ANKH: variants seen among roughly 807,000 people sequenced by gnomAD.
ANKH encodes ANKH inorganic pyrophosphate transport regulator.
ANKH carries 15 observed loss-of-function variants against 49.0 expected under a neutral mutation model. That is an observed-to-expected ratio of 0.31 (90% CI 0.20 to 0.47). The LOEUF is 0.47. Ranked by LOEUF, ANKH falls within the 20% of genes least tolerant of loss-of-function variation. The pLI, the probability that ANKH is intolerant of heterozygous loss-of-function variation, is 1.00. For missense variants in ANKH, 429 were observed against 652.0 expected, an observed-to-expected ratio of 0.66 and a Z score of 3.72; for synonymous variants, 273 against 260.0, an observed-to-expected ratio of 1.05 and a Z score of -0.48.
chr5:14,786,863 T>C (rs1739993905), intron 1 of ANKH, among the ~76,000 whole-genome samples: 1 of 152,204 alleles, frequency 6.6e-6, no homozygotes, highest in Admixed American at 6.5e-5. Context: ...CATGTACAAA[T>C]AGATGTTCAT....
chr5:14,858,385 C>G (rs3006070), intron 1 of ANKH, among the ~76,000 whole-genome samples: 1 of 151,908 alleles, frequency 6.6e-6, no homozygotes, highest in East Asian at 1.9e-4. Flanking sequence ...AAATTGCCTA[C>G]GATAAAAAGT....
At chr5:14,820,960 G>T (rs114257669) in intron 1 of ANKH, among the ~76,000 whole-genome samples, 36 of 152,106 alleles carry the variant, frequency 2.4e-4, no homozygotes, top group African/African-American at 8.4e-4. Flanking sequence ...TTAGCTGGGG[G>T]TGGTGGTGAC....
intron 1 of ANKH, among the ~76,000 whole-genome samples, chr5:14,775,834 G>A (rs1739600704): frequency 6.6e-6 from 1 of 152,228 alleles, no homozygotes; most frequent in Non-Finnish European, 1.5e-5. Flanking sequence ...AGCCATTAAA[G>A]GTCTGGGCAG....
At chr5:14,806,265 C>T (rs1357948825) in intron 1 of ANKH, among the ~76,000 whole-genome samples, 1 of 151,928 alleles carries the variant, frequency 6.6e-6, no homozygotes, top group Non-Finnish European at 1.5e-5. Context: ...ACCTGCACCA[C>T]CCTCAACCCC....
intron 8 of ANKH, among the ~76,000 whole-genome samples, chr5:14,736,750 G>A (rs573770439): frequency 9.2e-5 from 14 of 152,206 alleles, no homozygotes; most frequent in Non-Finnish European, 1.9e-4. Context: ...CAGGGGTGCT[G>A]GGTATAGTCG....
intron 8 of ANKH, among the ~76,000 whole-genome samples, chr5:14,733,516 G>T (rs1430649416): frequency 6.6e-6 from 1 of 152,148 alleles, no homozygotes; most frequent in Non-Finnish European, 1.5e-5. Context: ...TTTTTTGATT[G>T]TTTTCTTTTG....
At position 14,706,135 on chromosome 5, in the gene ANKH, T is replaced by C. The variant is rs937136472; in HGVS notation, c.*5062A>G. The C allele has an allele frequency of 6.6e-6, 1 of 152,220 alleles. No individual in the cohort carries two copies. The highest frequency in any genetic ancestry group is 2.4e-5 in the African/African-American group (1 of 41,456). The allele number at this position is 152,220 out of a possible 1,614,324, so 9.4% of individuals were successfully genotyped here. A position where few individuals can be genotyped will look rare whatever the true frequency, so the allele number is the denominator to read the frequency against. On this transcript the variant is annotated 3_prime_UTR_variant, in exon 12 of 12. Coordinates refer to ENST00000284268, the MANE Select transcript of ANKH (RefSeq NM_054027.6). ...GTTCTTGTGTGCTTTTGTTTACATA[T>C]ACATATTGTAGACGCTAATGTCAAG...
Position 14,845,367 on chromosome 5 carries a change from T to TATATATATATA in ANKH, c.96+25984_96+25985insTATATATATAT, listed in dbSNP as rs201739117. On this transcript the variant is annotated intron_variant, in intron 1 of 11. Transcript: ENST00000284268. ...TCATGTGTATATATATATATATATA[T>TATATATATATA]TTTTTTTTTTACCTTTCTGGTTTTA... Among the ~76,000 whole-genome samples, 492 of 83,294 alleles carry TATATATATATA rather than the reference T, an allele frequency of 5.9e-3. 5 individuals are homozygous for TATATATATATA. Among genetic ancestry groups the TATATATATATA allele is most frequent in the African/African-American group, 0.027 (464 of 17,058 alleles). The allele number at this position is 83,294 out of a possible 152,430, so 54.6% of individuals were successfully genotyped here. A position where few individuals can be genotyped will look rare whatever the true frequency, so the allele number is the denominator to read the frequency against.
At chr5:14,848,375 G>T (rs1207506317) in intron 1 of ANKH, among the ~76,000 whole-genome samples, 1 of 151,614 alleles carries the variant, frequency 6.6e-6, no homozygotes, top group Non-Finnish European at 1.5e-5. Context: ...CAATGATAGG[G>T]ATATAAACCC....
At chr5:14,735,308 T>C (rs1365705730) in intron 8 of ANKH, among the ~76,000 whole-genome samples, 2 of 152,186 alleles carry the variant, frequency 1.3e-5, no homozygotes, top group Non-Finnish European at 2.9e-5. Flanking sequence ...TAAAGTACTA[T>C]ATTTCTAAGC....
chr5:14,841,666 C>A (rs987186426), intron 1 of ANKH, among the ~76,000 whole-genome samples: 1 of 152,288 alleles, frequency 6.6e-6, no homozygotes, highest in South Asian at 2.1e-4. Flanking sequence ...CAACCATCCA[C>A]ACCATCCATC....
chr5:14,721,658 G>C (rs1022617881), intron 8 of ANKH, among the ~76,000 whole-genome samples: 2 of 152,164 alleles, frequency 1.3e-5, no homozygotes, highest in Non-Finnish European at 2.9e-5. Context: ...TGAGCTGGGC[G>C]TGGTGGCTCA....
rs145771747 is a variant in ANKH, at chr5:14,783,487, C to G, written c.97-14296G>C. Among the ~76,000 whole-genome samples the G allele has an allele frequency of 5.2e-3, 790 of 152,260 alleles. 5 individuals are homozygous for G. Among genetic ancestry groups the G allele is most frequent in the African/African-American group, 0.018 (768 of 41,538 alleles). On this transcript the variant is annotated intron_variant, in intron 1 of 11. Coordinates refer to ENST00000284268, the MANE Select transcript of ANKH (RefSeq NM_054027.6). ...GTTATTGGTTTAAATTATTGATGCA[C>G]AGTATTCTATTGATGCACAGTATTC...
chr5:14,863,951 G>C (rs1436331594), intron 1 of ANKH, among the ~76,000 whole-genome samples: 1 of 152,058 alleles, frequency 6.6e-6, no homozygotes, highest in African/African-American at 2.4e-5. Flanking sequence ...GTGGTGGCTC[G>C]TGCCTGTAAT....
chr5:14,787,186 C>T (rs771280161), intron 1 of ANKH, among the ~76,000 whole-genome samples: 14 of 152,016 alleles, frequency 9.2e-5, no homozygotes, highest in Non-Finnish European at 1.6e-4. Flanking sequence ...TGGTTGCATG[C>T]GCCTGTAATC....
intron 1 of ANKH, among the ~76,000 whole-genome samples, chr5:14,795,837 GA>G (rs758619251): frequency 1.3e-5 from 2 of 150,008 alleles, no homozygotes; most frequent in Non-Finnish European, 3.0e-5. Context: ...CATCCTGGGT[GA>G]CAGAGTGAGA....
intron 1 of ANKH, among the ~76,000 whole-genome samples, chr5:14,828,474 C>A: frequency 6.6e-6 from 1 of 152,134 alleles, no homozygotes; most frequent in Non-Finnish European, 1.5e-5. Context: ...TTGCAGTGAG[C>A]TGAGATTGCA....
rs1258411807 is a variant in ANKH, at chr5:14,792,991, AAT to A, written c.97-23802_97-23801del. ...AAACTCCATCATATATATATATAAA[AAT>A]ATATATATATATAAATATATATATA... On this transcript the variant is annotated intron_variant, in intron 1 of 11. Transcript: ENST00000284268. 2.1e-3 allele frequency among the ~76,000 whole-genome samples: 182 copies of A among 85,316 alleles called. 1 individual carries two copies. The highest frequency in any genetic ancestry group is 7.5e-3 in the African/African-American group (168 of 22,390). 56.0% of individuals were successfully genotyped at this position (85,316 alleles called of 152,430 possible).
chr5:14,845,592 G>A (rs1267798028), intron 1 of ANKH, among the ~76,000 whole-genome samples: 1 of 152,046 alleles, frequency 6.6e-6, no homozygotes, highest in Admixed American at 6.6e-5. Context: ...GTTGTTCTGG[G>A]TCCAGTTCTT....
Sources: allele counts gnomAD v4.1 joint callset (sites outside exome capture counted in the v4.1 genomes callset), GRCh38; gene constraint gnomAD v4.1.1; transcripts MANE v1.5; gene names NCBI Gene and HGNC (gene_info 2026-07-23, HGNC 2026-07-21).